Variants in ZNF766 observed in about 807,000 individuals in gnomAD.
ZNF766 encodes the protein zinc finger protein 766.
Under a neutral mutation model 13.2 loss-of-function variants are expected in ZNF766, and 13 were observed. The observed-to-expected ratio is 0.98, with a 90% CI of 0.64 to 1.56. The LOEUF is 1.56. ZNF766 is among the 40% of genes most tolerant of loss of function. The pLI, the probability that ZNF766 is intolerant of heterozygous loss-of-function variation, is 0.00. For missense variants in ZNF766, 521 were observed against 552.2 expected, an observed-to-expected ratio of 0.94 and a Z score of 0.57; for synonymous variants, 178 against 187.6, an observed-to-expected ratio of 0.95 and a Z score of 0.42.
rs1288780645 is a variant in ZNF766 at position 52,291,425 on chromosome 19, G to A, written c.*227G>A. On this transcript the variant is annotated 3_prime_UTR_variant, in exon 4 of 4. Transcript: ENST00000439461. ...TAATGATATGATGTGTATAAAGGGTGCAAGGACACGTGGAAATGATCTGTA... is the reference window on the plus strand; with the variant it reads ...TAATGATATGATGTGTATAAAGGGTACAAGGACACGTGGAAATGATCTGTA... 1 of 470,532 alleles carries A rather than the reference G, an allele frequency of 2.1e-6. No individual in the cohort carries two copies. The highest frequency in any genetic ancestry group is 3.7e-6 in the Non-Finnish European group (1 of 269,742). 29.1% of individuals were successfully genotyped at this position (470,532 alleles called of 1,614,324 possible).
At chr19:52,287,708 G>C (rs1486405456) in intron 3 of ZNF766, among the ~76,000 whole-genome samples, 1 of 152,196 alleles carries the variant, frequency 6.6e-6, no homozygotes, top group Non-Finnish European at 1.5e-5. Context: ...GTCTTGGTAA[G>C]TGGTGTCTAT....
rs751202928 is a variant in ZNF766 at position 52,290,569 on chromosome 19, C to G, written c.778C>G (p.Arg260Gly). ...CTTCAATCGAATTGCATACCTTGCA[C>G]GACACGAGAAAGTGCATACTGGAGA... is the stretch of plus-strand genomic sequence containing the variant. The part of the protein sequence containing the change: ...KLFNRIAYLA[R>G]HEKVHTGESP... Residue 260 changes from arginine to glycine, a missense_variant, in exon 4 of 4, where the codon CGA becomes GGA. Coordinates refer to ENST00000439461, the MANE Select transcript of ZNF766 (RefSeq NM_001010851.3). 6.2e-7 allele frequency: 1 copy of G among 1,613,886 alleles called. No homozygotes were observed. Among genetic ancestry groups the G allele is most frequent in the Non-Finnish European group, 8.5e-7 (1 of 1,179,940 alleles).
Position 52,273,206 on chromosome 19 carries a change from C to T in ZNF766, c.18+3575C>T, listed in dbSNP as rs56002044. ...TGCATTTTTAGTAGAGATGGGGTTT[C>T]ATCATGCTGGCCAGGATGGTCTCGA... On this transcript the variant is annotated intron_variant, in intron 1 of 3. Transcript: ENST00000439461. Among the ~76,000 whole-genome samples the T allele has an allele frequency of 2.0e-3, 312 of 152,254 alleles. 3 individuals carry two copies. Among genetic ancestry groups the T allele is most frequent in the African/African-American group, 7.2e-3 (301 of 41,544 alleles).
In ZNF766 at chr19:52,288,191, T is replaced by G. The variant is rs752459707; in HGVS notation, c.275-1875T>G. 9.5e-5 allele frequency: 25 copies of G among 262,748 alleles called. 1 individual carries two copies. The highest frequency in any genetic ancestry group is 1.7e-4 in the Non-Finnish European group (23 of 133,108). The allele number at this position is 262,748 out of a possible 1,614,324, so 16.3% of individuals were successfully genotyped here. A position where few individuals can be genotyped will look rare whatever the true frequency, so the allele number is the denominator to read the frequency against. On this transcript the variant is annotated intron_variant, in intron 3 of 3. Coordinates refer to ENST00000439461, the MANE Select transcript of ZNF766 (RefSeq NM_001010851.3). ...ACATGCCACCATGTCCAGCTAATTT[T>G]TTGAATTTTAGTAGAGACGGGGCTT...
At position 52,283,519 on chromosome 19, in the gene ZNF766, C is replaced by A. The variant is rs556477076; in HGVS notation, c.274+106C>A. The A allele has an allele frequency of 8.1e-5, 110 of 1,364,954 alleles. 1 individual carries two copies. The South Asian group carries it at 1.6e-3, about 20-fold the overall frequency. 84.6% of individuals were successfully genotyped at this position (1,364,954 alleles called of 1,614,324 possible). A position where few individuals can be genotyped will look rare whatever the true frequency, so the allele number is the denominator to read the frequency against. ...CATTGGCCATCATAGCTCACTGCAG[C>A]TTTGAACTCCTGGGCTTCAACAGTC... On this transcript the variant is annotated intron_variant, in intron 3 of 3. Coordinates refer to ENST00000439461, the MANE Select transcript of ZNF766 (RefSeq NM_001010851.3).
rs183544183 is a variant in ZNF766 at position 52,272,078 on chromosome 19, C to T, written c.18+2447C>T. On this transcript the variant is annotated intron_variant, in intron 1 of 3. Coordinates refer to ENST00000439461, the MANE Select transcript of ZNF766 (RefSeq NM_001010851.3). ...AATATTCTATTAATTACATCTCTCC[C>T]TGTAGTGAGTACCCCTCTTCAACGC... Among the ~76,000 whole-genome samples the T allele has an allele frequency of 2.0e-5, 3 of 152,134 alleles. No individual in the cohort carries two copies. In the East Asian group the frequency reaches 5.8e-4, roughly 29 times the overall value.
intron 2 of ZNF766, among the ~76,000 whole-genome samples, chr19:52,282,923 A>G (rs1221687936): frequency 6.6e-6 from 1 of 152,152 alleles, no homozygotes; most frequent in East Asian, 1.9e-4. Flanking sequence ...GAATTTGTGA[A>G]ATGTTTTTCT....
At chr19:52,287,996 C>A (rs749544478) in intron 3 of ZNF766, 4 of 423,780 alleles carry the variant, frequency 9.4e-6, no homozygotes, top group South Asian at 6.9e-5. Flanking sequence ...TTTTTTCTTT[C>A]TGCTATCTTA....
chr19:52,283,722 G>A (rs926888817), intron 3 of ZNF766, among the ~76,000 whole-genome samples: 1 of 152,036 alleles, frequency 6.6e-6, no homozygotes, highest in Admixed American at 6.6e-5. Flanking sequence ...TGTCCTTTAT[G>A]TATGTATGTA....
At chr19:52,279,497 T>C (rs1427226798) in intron 1 of ZNF766, among the ~76,000 whole-genome samples, 3 of 152,140 alleles carry the variant, frequency 2.0e-5, no homozygotes, top group East Asian at 3.8e-4. Flanking sequence ...TCCGTGAGCA[T>C]GGGATGTTTT....
At chr19:52,286,601 T>C (rs902056109) in intron 3 of ZNF766, among the ~76,000 whole-genome samples, 2 of 151,934 alleles carry the variant, frequency 1.3e-5, no homozygotes, top group Admixed American at 6.6e-5. Flanking sequence ...ATTGCTAAGG[T>C]TTTTCAAATG....
rs546695220 is a variant in ZNF766 at position 52,294,345 on chromosome 19, CT to C, written c.*3151del. The C allele has an allele frequency of 1.6e-4, 25 of 152,282 alleles. No homozygotes were observed. The East Asian group carries it at 4.4e-3, about 27-fold the overall frequency. The allele number at this position is 152,282 out of a possible 1,614,324, so 9.4% of individuals were successfully genotyped here. ...CTTATAACCTTTTTGGTAATTTGAA[CT>C]TTTGATCATTCTTCTGGAACTGCTT... On this transcript the variant is annotated 3_prime_UTR_variant, in exon 4 of 4. Transcript: ENST00000439461.
In ZNF766 at chr19:52,283,291, G is replaced by A. The variant is rs760415540; in HGVS notation, c.152G>A (p.Cys51Tyr). ...TTCTTTCTTTTATAAACAGGAATCT[G>A]TCTTCCTGACCTGAGTATTATCTCC... The part of the protein sequence containing the change: ...NYRNLVSLGI[C>Y]LPDLSIISMM... Residue 51 changes from cysteine to tyrosine, a missense_variant, in exon 3 of 4, where the codon TGT becomes TAT. By Grantham distance (194) the Cys-to-Tyr change is radical. Transcript: ENST00000439461. 2 of 1,612,796 alleles carry A rather than the reference G, an allele frequency of 1.2e-6. No individual in the cohort carries two copies. The highest frequency in any genetic ancestry group is 1.3e-5 in the African/African-American group (1 of 74,996).
intron 3 of ZNF766, among the ~76,000 whole-genome samples, chr19:52,288,993 C>T (rs866308764): frequency 2.0e-5 from 3 of 151,334 alleles, no homozygotes; most frequent in Non-Finnish European, 2.9e-5. Context: ...GGATTACAGG[C>T]GCACGCCACC....
chr19:52,280,499 G>A (rs1981450238), intron 1 of ZNF766, among the ~76,000 whole-genome samples: 1 of 152,200 alleles, frequency 6.6e-6, no homozygotes, highest in African/African-American at 2.4e-5. Context: ...TACATGTGAT[G>A]TGTTTGCATG....
At chr19:52,273,317 A>C (rs987535058) in intron 1 of ZNF766, among the ~76,000 whole-genome samples, 1 of 152,202 alleles carries the variant, frequency 6.6e-6, no homozygotes, top group Admixed American at 6.5e-5. Flanking sequence ...CTATAAGTAC[A>C]TTAATTTATA....
chr19:52,280,351 C>A (rs953347711), intron 1 of ZNF766, among the ~76,000 whole-genome samples: 13 of 151,882 alleles, frequency 8.6e-5, no homozygotes, highest in African/African-American at 3.1e-4. Context: ...ATAGCAAGAC[C>A]CAGTCTCTAA....
chr19:52,295,184 TTTG>T lies in ZNF766; in HGVS notation c.*3989_*3991del, dbSNP rs1284020876. 1.4e-5 allele frequency: 2 copies of T among 144,228 alleles called. No individual in the cohort carries two copies. Among genetic ancestry groups the T allele is most frequent in the South Asian group, 2.2e-4 (1 of 4,540 alleles). The allele number at this position is 144,228 out of a possible 1,614,324, so 8.9% of individuals were successfully genotyped here. ...ACATTGCATCCAGATGCTATGCTTG[TTTG>T]TTTTTTTTTTTGAGACAGAGTCTTG... is the stretch of plus-strand genomic sequence containing the variant. On this transcript the variant is annotated 3_prime_UTR_variant, in exon 4 of 4. Coordinates refer to ENST00000439461, the MANE Select transcript of ZNF766 (RefSeq NM_001010851.3).
At chr19:52,269,832 G>A (rs985207644) in intron 1 of ZNF766, among the ~76,000 whole-genome samples, 1 of 152,182 alleles carries the variant, frequency 6.6e-6, no homozygotes, top group Non-Finnish European at 1.5e-5. Context: ...GGCTGCGTAG[G>A]CAGCTGCTTT....
Sources: gnomAD v4.1 joint callset for allele counts (sites outside exome capture counted in the v4.1 genomes callset) on GRCh38, gnomAD v4.1.1 for gene constraint, MANE v1.5 for transcripts, NCBI Gene and HGNC (gene_info 2026-07-23, HGNC 2026-07-21) for gene names.